The following PTPRM variants were observed in gnomAD, a reference collection of about 807,000 sequenced individuals.
PTPRM encodes receptor-type tyrosine-protein phosphatase mu.
In PTPRM, 47 loss-of-function variants were observed where a neutral mutation model predicts 186.7. The ratio of observed to expected loss-of-function variants is 0.25; its 90% CI spans 0.20 to 0.32. The LOEUF (loss-of-function observed/expected upper bound fraction) is 0.32, where lower values mean the gene tolerates loss of function less well. PTPRM is among the 10% of genes least tolerant of loss of function. The pLI, the probability that PTPRM is intolerant of heterozygous loss-of-function variation, is 1.00. For missense variants in PTPRM, 1,494 were observed against 1,865.0 expected (o/e 0.80, Z 3.66); for synonymous variants, 668 against 674.9 (o/e 0.99, Z 0.16).
chr18:8,197,713 C>T (rs7228354), intron 14 of PTPRM, among the ~76,000 whole-genome samples: 5,047 of 152,294 alleles, frequency 0.033, 278 homozygotes, highest in African/African-American at 0.12. Flanking sequence ...CTCTTTCACA[C>T]CACACACAAA....
intron 7 of PTPRM, among the ~76,000 whole-genome samples, chr18:7,977,743 A>G (rs1241285989): frequency 1.4e-5 from 2 of 147,950 alleles, no homozygotes; most frequent in East Asian, 1.9e-4. Flanking sequence ...GGAAACAACA[A>G]GAACACAAAG....
intron 22 of PTPRM, among the ~76,000 whole-genome samples, chr18:8,342,737 A>T (rs1598374819): frequency 6.6e-6 from 1 of 152,164 alleles, no homozygotes; most frequent in East Asian, 1.9e-4. Context: ...AACTTTCTTT[A>T]CCTGATTCTC....
chr18:8,179,241 C>T (rs1004325338), intron 14 of PTPRM, among the ~76,000 whole-genome samples: 1 of 152,152 alleles, frequency 6.6e-6, no homozygotes. Context: ...GTTAAGAATA[C>T]ACAAAAATAG....
At chr18:8,240,669 G>GAAGAGAAAGAAAGAAATTGAA (rs2094416733) in intron 14 of PTPRM, among the ~76,000 whole-genome samples, 1 of 97,616 alleles carries the variant, frequency 1.0e-5, no homozygotes, top group African/African-American at 4.6e-5. Flanking sequence ...AAGAAAGAAA[G>GAAGAGAAAGAAAGAAATTGAA]AAAGAAAGAA....
At chr18:7,759,150 A>C (rs2041651003) in intron 1 of PTPRM, among the ~76,000 whole-genome samples, 1 of 152,246 alleles carries the variant, frequency 6.6e-6, no homozygotes, top group African/African-American at 2.4e-5. Flanking sequence ...TTCTAGCTCC[A>C]TGAAGGGTTA....
intron 23 of PTPRM, among the ~76,000 whole-genome samples, chr18:8,366,672 G>A (rs1026695542): frequency 1.3e-5 from 2 of 152,202 alleles, no homozygotes; most frequent in African/African-American, 4.8e-5. Context: ...AAGCCAATAA[G>A]GATCACCCCT....
intron 4 of PTPRM, among the ~76,000 whole-genome samples, chr18:7,923,998 C>T (rs968253394): frequency 3.9e-5 from 6 of 152,058 alleles, no homozygotes; most frequent in African/African-American, 4.8e-5. Flanking sequence ...TAAAAGAGAG[C>T]GAATTTAGAT....
intron 1 of PTPRM, among the ~76,000 whole-genome samples, chr18:7,614,453 G>A (rs2037753385): frequency 6.6e-6 from 1 of 152,216 alleles, no homozygotes; most frequent in Non-Finnish European, 1.5e-5. Flanking sequence ...GAATGTTTGT[G>A]TTTGGGGTGA....
chr18:7,850,409 G>T (rs1018122360), intron 2 of PTPRM, among the ~76,000 whole-genome samples: 2 of 152,158 alleles, frequency 1.3e-5, no homozygotes, highest in African/African-American at 4.8e-5. Context: ...AAGATAGCAA[G>T]AATTTGTGGG....
chr18:8,148,166 A>T (rs1172874251), intron 14 of PTPRM, among the ~76,000 whole-genome samples: 1 of 152,182 alleles, frequency 6.6e-6, no homozygotes. Flanking sequence ...GCCTCATAAA[A>T]TGAGTTAGGG....
intron 4 of PTPRM, among the ~76,000 whole-genome samples, chr18:7,911,376 C>A (rs2050254552): frequency 6.6e-6 from 1 of 152,124 alleles, no homozygotes; most frequent in South Asian, 2.1e-4. Context: ...TGTATGATTT[C>A]AATTTCTTCA....
intron 2 of PTPRM, among the ~76,000 whole-genome samples, chr18:7,878,974 C>G (rs1388071753): frequency 6.6e-6 from 1 of 152,116 alleles, no homozygotes; most frequent in Non-Finnish European, 1.5e-5. Context: ...GGCTCATTTC[C>G]TGAGATACAG....
At chr18:8,168,087 T>C (rs1245257760) in intron 14 of PTPRM, among the ~76,000 whole-genome samples, 1 of 152,248 alleles carries the variant, frequency 6.6e-6, no homozygotes, top group Non-Finnish European at 1.5e-5. Context: ...ATGCTGAGTA[T>C]GTTTCTAGCG....
intron 1 of PTPRM, among the ~76,000 whole-genome samples, chr18:7,753,317 TG>T (rs2041313270): frequency 1.3e-5 from 2 of 152,216 alleles, no homozygotes; most frequent in Non-Finnish European, 2.9e-5. Flanking sequence ...CAGAATTATA[TG>T]TATATCTATA....
intron 13 of PTPRM, among the ~76,000 whole-genome samples, chr18:8,139,451 C>T (rs1472941654): frequency 1.3e-5 from 2 of 152,190 alleles, no homozygotes; most frequent in East Asian, 3.9e-4. Context: ...TGGCCCGCTA[C>T]AGCCTGCAGT....
chr18:8,315,755 C>T (rs114067319), intron 21 of PTPRM, among the ~76,000 whole-genome samples: 3 of 152,246 alleles, frequency 2.0e-5, no homozygotes, highest in African/African-American at 7.2e-5. Context: ...AATAGCATCA[C>T]AATCTCTAAG....
chr18:7,593,409 C>T (rs541172218), intron 1 of PTPRM, among the ~76,000 whole-genome samples: 9 of 152,324 alleles, frequency 5.9e-5, no homozygotes, highest in African/African-American at 2.2e-4. Context: ...CCCTCAATGT[C>T]AGCCAGATTT....
rs2091890090 is a variant in PTPRM, at chr18:8,114,708, C to T, written c.2131-83C>T. The T allele has an allele frequency of 1.2e-5, 13 of 1,073,870 alleles. No individual in the cohort carries two copies. The South Asian group carries it at 1.7e-4, about 14-fold the overall frequency. The allele number at this position is 1,073,870 out of a possible 1,614,324, so 66.5% of individuals were successfully genotyped here. A position where few individuals can be genotyped will look rare whatever the true frequency, so the allele number is the denominator to read the frequency against. ...ACAGTGAGATCCTTCCTTATCAGTG[C>T]TATTTAAATAGAATTACAGATATTT... On this transcript the variant is annotated intron_variant, in intron 12 of 32. Coordinates refer to ENST00000580170, the MANE Select transcript of PTPRM (RefSeq NM_001105244.2).
chr18:7,974,092 G>A (rs184205564), intron 7 of PTPRM, among the ~76,000 whole-genome samples: 1 of 152,188 alleles, frequency 6.6e-6, no homozygotes, highest in African/African-American at 2.4e-5. Context: ...GCTTGACGTG[G>A]AGCCTGAGAA....
Sources: gnomAD v4.1 joint callset for allele counts (sites outside exome capture counted in the v4.1 genomes callset) on GRCh38, gnomAD v4.1.1 for gene constraint, MANE v1.5 for transcripts, NCBI Gene and HGNC (gene_info 2026-07-23, HGNC 2026-07-21) for gene names.